The following MOCS1 variants were observed in gnomAD, a reference collection of about 807,000 sequenced individuals.
MOCS1 encodes the protein molybdenum cofactor biosynthesis protein 1.
A neutral mutation model predicts 57.6 loss-of-function variants in MOCS1; 39 were observed. That is an observed-to-expected ratio of 0.68 (90% CI 0.52 to 0.88). MOCS1 has a LOEUF of 0.88. Among genes scored for constraint, MOCS1 ranks in the 40% least tolerant of loss-of-function variants. The probability of loss-of-function intolerance (pLI) is 0.00; values close to 1 mark genes in which losing one functional copy is unlikely to be tolerated. For synonymous variants in MOCS1, 334 were observed against 335.7 expected, an observed-to-expected ratio of 1.00 and a Z score of 0.05; for missense variants, 795 against 831.1, an observed-to-expected ratio of 0.96 and a Z score of 0.53.
At chr6:39,913,713 A>C (rs1767481369) in intron 5 of MOCS1, 61 bp downstream of exon 5, 1 of 1,571,626 alleles carries the variant, frequency 6.4e-7, no homozygotes, top group Non-Finnish European at 8.8e-7. Context: ...AGGGGCGGTG[A>C]GGGGAAGGCC....
Position 39,909,073 on chromosome 6 carries a change from G to A in MOCS1, c.1132C>T (p.Arg378Trp), listed in dbSNP as rs149586823. Reference protein sequence around the residue: ...GMFSISQMKNRPMILIELFLM... With the variant: ...GMFSISQMKNWPMILIELFLM... ...CACCCACCGATGAGGATCATGGGCC[G>A]GTTCTTCATCTGGGAAATACTGAAC... Residue 378 changes from arginine to tryptophan, a missense_variant, in exon 10 of 11, where the codon CGG becomes TGG. By Grantham distance (101) the Arg-to-Trp change is moderately radical. This residue lies in a region of MOCS1 where 374 missense variants were observed against 422.6 expected (regional missense o/e 0.89). Coordinates refer to ENST00000340692, the MANE Select transcript of MOCS1 (RefSeq NM_001358530.2). The A allele has an allele frequency of 1.2e-5, 19 of 1,611,764 alleles. No individual in the cohort carries two copies. Among genetic ancestry groups the A allele is most frequent in the Admixed American group, 3.3e-5 (2 of 59,792 alleles).
At chr6:39,913,637 G>C (rs1398337754) in intron 5 of MOCS1, 137 bp downstream of exon 5, 7 of 1,081,358 alleles carry the variant, frequency 6.5e-6, no homozygotes, top group Admixed American at 1.7e-5. Flanking sequence ...AGCAGGGAGA[G>C]AAGAGGTGGA....
intron 9 of MOCS1, 65 bp downstream of exon 9, chr6:39,909,770 A>G: frequency 6.2e-7 from 1 of 1,602,536 alleles, no homozygotes; most frequent in Non-Finnish European, 8.5e-7. Context: ...CCACAACTCC[A>G]CACCTCCCTC....
chr6:39,925,882 A>G, intron 2 of MOCS1, 37 bp from the exon 3 acceptor site: 1 of 1,590,194 alleles, frequency 6.3e-7, no homozygotes. Flanking sequence ...GAGGGAGGAA[A>G]GAGGCACGGC....
chr6:39,934,461 C>T lies in MOCS1; in HGVS notation c.-44G>A, dbSNP rs3800349. The T allele has an allele frequency of 0.014, 21,757 of 1,530,572 alleles. 261 individuals carry two copies. Among genetic ancestry groups the T allele is most frequent in the East Asian group, 0.059 (2,420 of 40,922 alleles). 94.8% of individuals were successfully genotyped at this position (1,530,572 alleles called of 1,614,324 possible). On this transcript the variant is annotated 5_prime_UTR_variant, in exon 1 of 11. It adds an upstream start codon to the 5' untranslated region. Coordinates refer to ENST00000340692, the MANE Select transcript of MOCS1 (RefSeq NM_001358530.2). ...AACCGCAGCCCGCTTCGGGAGCACA[C>T]TGGCCGGGCACTCGCCCCCGGGGTC...
At position 39,927,329 on chromosome 6, in the gene MOCS1, A is replaced by G. The variant is rs935994999; in HGVS notation, c.250T>C (p.Cys84Arg). The G allele has an allele frequency of 5.6e-6, 9 of 1,610,710 alleles. No homozygotes were observed. Among genetic ancestry groups the G allele is most frequent in the Non-Finnish European group, 5.9e-6 (7 of 1,178,648 alleles). ...ISLTEKCNLR[C>R]QYCMPEEGVP... ...GAGAGGGCCCAGGAAGGTGACTCAC[A>G]TCTGAGGTTGCACTTCTCTGTGAGG... is the stretch of plus-strand genomic sequence containing the variant. The change falls in exon 2 of 11, where the codon TGT becomes CGT. Residue 84 changes from cysteine (C) to arginine (R), a missense_variant and splice_region_variant. By Grantham distance (180) the Cys-to-Arg change is radical (BLOSUM62 -3). Transcript: ENST00000340692.
chr6:39,921,827 A>G (rs1310033885), intron 3 of MOCS1, among the ~76,000 whole-genome samples: 2 of 152,120 alleles, frequency 1.3e-5, no homozygotes, highest in Non-Finnish European at 2.9e-5. Context: ...GGTTTGTTAC[A>G]TGGGTTAACT....
At chr6:39,933,261 G>C (rs2149428115) in intron 1 of MOCS1, among the ~76,000 whole-genome samples, 1 of 152,248 alleles carries the variant, frequency 6.6e-6, no homozygotes, top group South Asian at 2.1e-4. Context: ...GAGAAGAAAA[G>C]TCCCTTTTCT....
chr6:39,932,021 C>T (rs969496560), intron 1 of MOCS1, among the ~76,000 whole-genome samples: 29 of 152,304 alleles, frequency 1.9e-4, no homozygotes, highest in African/African-American at 6.0e-4. Context: ...AGAAGCTACT[C>T]GACCTGTTCT....
Position 39,913,427 on chromosome 6 carries a change from A to C in MOCS1, c.647T>G (p.Val216Gly). ...AIELGYNPVK[V>G]NCVVMRGLNE... ...AAGGCCTCGCATCACCACACAGTTCACCTGGCCGGGGAACAATGGGACCAT... is the reference window on the plus strand; with the variant it reads ...AAGGCCTCGCATCACCACACAGTTCCCCTGGCCGGGGAACAATGGGACCAT... The change falls in exon 6 of 11, where the codon GTG (valine) becomes GGG (glycine). Residue 216 changes from valine (V) to glycine (G), a missense_variant and splice_region_variant. Around this residue, in one of 3 missense-constraint regions of MOCS1, gnomAD observed 416 missense variants for 392.4 expected, o/e 1.06. Coordinates refer to ENST00000340692, the MANE Select transcript of MOCS1 (RefSeq NM_001358530.2). 2 of 1,613,926 alleles carry C rather than the reference A, an allele frequency of 1.2e-6. No individual in the cohort carries two copies. The highest frequency in any genetic ancestry group is 8.5e-7 in the Non-Finnish European group (1 of 1,179,826).
intron 2 of MOCS1, among the ~76,000 whole-genome samples, chr6:39,926,682 CTT>C (rs1212350366): frequency 4.9e-5 from 1 of 20,460 alleles, no homozygotes; most frequent in Non-Finnish European, 9.4e-5. Context: ...CATGAAGTAA[CTT>C]TATTTCTTAT....
rs3828937 is a variant in MOCS1 at position 39,905,244 on chromosome 6, A to C, written c.*1113T>G. The C allele has an allele frequency of 0.012, 5,522 of 454,328 alleles. 497 individuals carry two copies. In the East Asian group the frequency reaches 0.25, roughly 21 times the overall value. The allele number at this position is 454,328 out of a possible 1,614,324, so 28.1% of individuals were successfully genotyped here. A position where few individuals can be genotyped will look rare whatever the true frequency, so the allele number is the denominator to read the frequency against. On this transcript the variant is annotated 3_prime_UTR_variant, in exon 11 of 11. Transcript: ENST00000340692. ...AATTGCCCTCTCTGATCTCTCTAAT[A>C]GCTGGTAATGCAAGCAATGAGCTTT...
chr6:39,913,577 T>C lies in MOCS1; in HGVS notation c.646-149A>G, dbSNP rs140134126. On this transcript the variant is annotated intron_variant, in intron 5 of 10. Transcript: ENST00000340692. The stretch of plus-strand genomic sequence containing the variant: ...TCAGTTCTCTAAGTTACGGGATTCC[T>C]TGGGGTCACTGATTTTCTCGTTTCT... 771 of 948,356 alleles carry C rather than the reference T, an allele frequency of 8.1e-4. 2 individuals are homozygous for C. The highest frequency in any genetic ancestry group is 1.2e-3 in the Non-Finnish European group (726 of 596,562). The allele number at this position is 948,356 out of a possible 1,614,324, so 58.7% of individuals were successfully genotyped here.
rs1471449983 is a variant in MOCS1 at position 39,909,829 on chromosome 6, A to T, written c.1102+6T>A. On this transcript the variant is annotated splice_donor_region_variant and intron_variant, in intron 9 of 10. Transcript: ENST00000340692. ...TCCAGGCCAGCCCTCCCCACCCTGCACTTACCTGCATGCTGCCGCTTCTTC... is the reference window on the plus strand; with the variant it reads ...TCCAGGCCAGCCCTCCCCACCCTGCTCTTACCTGCATGCTGCCGCTTCTTC... The T allele has an allele frequency of 6.2e-7, 1 of 1,612,628 alleles. No individual in the cohort carries two copies.
At chr6:39,908,800 C>T (rs572613630) in intron 10 of MOCS1, among the ~76,000 whole-genome samples, 71 of 152,232 alleles carry the variant, frequency 4.7e-4, no homozygotes, top group African/African-American at 1.7e-3. Context: ...ATCTGGCAGA[C>T]CATCCCCCTG....
At chr6:39,912,407 T>G (rs1767388860) in intron 7 of MOCS1, 33 bp from the exon 8 acceptor site, 4 of 1,460,550 alleles carry the variant, frequency 2.7e-6, no homozygotes, top group Non-Finnish European at 3.8e-6. Flanking sequence ...AAAAGGGCAG[T>G]GGAGGGGATG....
rs754213373 is a variant in MOCS1 at position 39,905,503 on chromosome 6, A to G, written c.*854T>C. The G allele has an allele frequency of 4.2e-6, 2 of 471,160 alleles. No individual in the cohort carries two copies. Among genetic ancestry groups the G allele is most frequent in the South Asian group, 3.1e-5 (2 of 64,572 alleles). 29.2% of individuals were successfully genotyped at this position (471,160 alleles called of 1,614,324 possible). On this transcript the variant is annotated 3_prime_UTR_variant, in exon 11 of 11. Transcript: ENST00000340692. The stretch of plus-strand genomic sequence containing the variant: ...CAGCAGCTCAGTGCCCTACCCACAC[A>G]GTGTCTTCATTCTTGCATCTGCAAA...
chr6:39,925,624 C>G, intron 3 of MOCS1, 54 bp downstream of exon 3: 1 of 1,606,440 alleles, frequency 6.2e-7, no homozygotes, highest in Non-Finnish European at 8.5e-7. Flanking sequence ...GCATCAGTGT[C>G]CAGCCGGATG....
At chr6:39,930,986 C>G (rs1768614844) in intron 1 of MOCS1, among the ~76,000 whole-genome samples, 1 of 152,192 alleles carries the variant, frequency 6.6e-6, no homozygotes, top group Non-Finnish European at 1.5e-5. Flanking sequence ...GTGCTGTGAT[C>G]AGTTTTTCTA....
Sources: gnomAD v4.1 joint callset for allele counts (sites outside exome capture counted in the v4.1 genomes callset) on GRCh38, gnomAD v4.1.1 for gene constraint, gnomAD v4.1.1 regional missense constraint, MANE v1.5 for transcripts, NCBI Gene and HGNC (gene_info 2026-07-23, HGNC 2026-07-21) for gene names.